The following KIAA0825 variants were observed in gnomAD, a reference collection of about 807,000 sequenced individuals.
The protein encoded by KIAA0825 is KIAA0825.
In KIAA0825, 119 loss-of-function variants were observed where a neutral mutation model predicts 147.6. That is an observed-to-expected ratio of 0.81 (90% confidence interval 0.69 to 0.94). The LOEUF is 0.94. Ranked by LOEUF, KIAA0825 falls within the 40% of genes least tolerant of loss-of-function variation. The probability of loss-of-function intolerance (pLI) is 0.00; values close to 1 mark genes in which losing one functional copy is unlikely to be tolerated. For synonymous variants in KIAA0825, 470 were observed against 518.1 expected, an observed-to-expected ratio of 0.91 and a Z score of 1.26; for missense variants, 1,381 against 1,472.7, an observed-to-expected ratio of 0.94 and a Z score of 1.02.
chr5:94,187,512 C>T (rs1305560223), intron 20 of KIAA0825, among the ~76,000 whole-genome samples: 4 of 150,440 alleles, frequency 2.7e-5, no homozygotes, highest in Non-Finnish European at 5.9e-5. Context: ...CTGCAAGCTC[C>T]GCCTCCCGGG....
At chr5:94,389,857 A>T (rs945945295) in intron 18 of KIAA0825, among the ~76,000 whole-genome samples, 1 of 152,136 alleles carries the variant, frequency 6.6e-6, no homozygotes, top group African/African-American at 2.4e-5. Flanking sequence ...CTCTAGCCTC[A>T]CCTAACATTA....
intron 12 of KIAA0825, among the ~76,000 whole-genome samples, chr5:94,455,743 T>A (rs557785589): frequency 1.3e-5 from 2 of 151,926 alleles, no homozygotes; most frequent in Admixed American, 1.3e-4. Flanking sequence ...AAATGAGAAG[T>A]TAAAGTGCAT....
chr5:94,399,187 T>C (rs374029212), intron 16 of KIAA0825, among the ~76,000 whole-genome samples: 1 of 152,260 alleles, frequency 6.6e-6, no homozygotes, highest in East Asian at 1.9e-4. Flanking sequence ...GCTTAACATA[T>C]AGATAAAGCA....
intron 20 of KIAA0825, among the ~76,000 whole-genome samples, chr5:94,351,335 C>G (rs377331386): frequency 2.6e-5 from 4 of 151,584 alleles, no homozygotes; most frequent in African/African-American, 9.7e-5. Context: ...GCTGAAAAAA[C>G]AACAACAACA....
intron 16 of KIAA0825, among the ~76,000 whole-genome samples, chr5:94,401,263 G>T (rs560270510): frequency 2.6e-5 from 4 of 151,312 alleles, no homozygotes; most frequent in East Asian, 1.9e-4. Flanking sequence ...TTTGCCAAAG[G>T]TGATAAAATC....
intron 13 of KIAA0825, among the ~76,000 whole-genome samples, chr5:94,451,861 A>G (rs1246663390): frequency 6.6e-6 from 1 of 152,240 alleles, no homozygotes; most frequent in East Asian, 1.9e-4. Context: ...AACTCATCAA[A>G]TGACACAGCT....
intron 18 of KIAA0825, among the ~76,000 whole-genome samples, chr5:94,386,863 C>T (rs548532479): frequency 2.2e-4 from 33 of 152,212 alleles, no homozygotes; most frequent in Admixed American, 2.0e-4. Flanking sequence ...CAAGCAGTCT[C>T]ATTCAATGCA....
At chr5:94,469,917 A>G in intron 10 of KIAA0825, 44 bp downstream of exon 10, 1 of 1,488,692 alleles carries the variant, frequency 6.7e-7, no homozygotes, top group Non-Finnish European at 9.0e-7. Flanking sequence ...ACGCAGTAAA[A>G]CATATTTGTG....
chr5:94,284,387 T>C (rs546276465), intron 20 of KIAA0825, among the ~76,000 whole-genome samples: 4 of 152,286 alleles, frequency 2.6e-5, no homozygotes, highest in African/African-American at 9.6e-5. Context: ...TACTTAATTA[T>C]ACCTTAAGAC....
chr5:94,175,056 T>G (rs967447729), intron 20 of KIAA0825, among the ~76,000 whole-genome samples: 4 of 152,170 alleles, frequency 2.6e-5, no homozygotes, highest in Non-Finnish European at 2.9e-5. Flanking sequence ...ATGAGGCATC[T>G]TCCAGCAGCA....
chr5:94,437,118 T>C (rs1253127625), intron 14 of KIAA0825, among the ~76,000 whole-genome samples: 4 of 152,208 alleles, frequency 2.6e-5, no homozygotes, highest in Admixed American at 2.6e-4. Flanking sequence ...TTTGCTAATA[T>C]TTCCTAATAT....
intron 1 of KIAA0825, 135 bp downstream of exon 1, chr5:94,618,365 C>G (rs1424786368): frequency 6.5e-6 from 1 of 152,752 alleles, no homozygotes; most frequent in African/African-American, 2.4e-5. Flanking sequence ...GGGTGTCAAG[C>G]GCCACGGGGT....
Position 94,462,474 on chromosome 5 carries a change from T to A in KIAA0825, c.2159A>T (p.Asp720Val). 6.5e-7 allele frequency: 1 copy of A among 1,539,486 alleles called. No individual in the cohort carries two copies. Residue 720 changes from aspartate (D) to valine (V), a missense_variant, in exon 12 of 21, where the codon GAT (aspartate) becomes GTT (valine). Physicochemically the swap from Asp to Val is radical, Grantham distance 152 (BLOSUM62 -3). Transcript: ENST00000682413. ...AGTGTGAATTTTAAAAATTTTATCATCTGTATGCTGATGAGGATTCAAAAG... is the reference window on the plus strand; with the variant it reads ...AGTGTGAATTTTAAAAATTTTATCAACTGTATGCTGATGAGGATTCAAAAG... Reference protein sequence around the residue: ...QKLLNPHQHTDDKIFKIHTHC... With the variant: ...QKLLNPHQHTVDKIFKIHTHC...
chr5:94,437,157 C>T lies in KIAA0825; in HGVS notation c.2497+2825G>A, dbSNP rs190025253. Among the ~76,000 whole-genome samples the T allele has an allele frequency of 4.0e-3, 603 of 152,086 alleles. 8 individuals are homozygous for T. Among genetic ancestry groups the T allele is most frequent in the Middle Eastern group, 0.02 (6 of 294 alleles). On this transcript the variant is annotated intron_variant, in intron 14 of 20. Transcript: ENST00000682413. ...CAAGCTTCTAAATTACAAAATGGTA[C>T]TCTGAAATATCATGAGACTTTAAAT...
Position 94,205,872 on chromosome 5 carries a change from T to C in KIAA0825, c.3711-51748A>G, listed in dbSNP as rs151082731. 3.9e-5 allele frequency among the ~76,000 whole-genome samples: 6 copies of C among 152,328 alleles called. No individual in the cohort carries two copies. In the East Asian group the frequency reaches 1.2e-3, roughly 29 times the overall value. On this transcript the variant is annotated intron_variant, in intron 20 of 20. Coordinates refer to ENST00000682413, the MANE Select transcript of KIAA0825 (RefSeq NM_001145678.3). ...TTATCCTTAGAGAACAAAGAAACTGTATTAGCATATGTTTTAGCATTATTT... is the reference window on the plus strand; with the variant it reads ...TTATCCTTAGAGAACAAAGAAACTGCATTAGCATATGTTTTAGCATTATTT...
chr5:94,238,536 AT>A (rs1395876452), intron 20 of KIAA0825, among the ~76,000 whole-genome samples: 1 of 152,146 alleles, frequency 6.6e-6, no homozygotes, highest in East Asian at 1.9e-4. Flanking sequence ...ATGTTCACTT[AT>A]GTTTTTCTAA....
At chr5:94,413,513 T>C (rs903836623) in intron 15 of KIAA0825, 2 of 152,192 alleles carry the variant, frequency 1.3e-5, no homozygotes, top group African/African-American at 4.8e-5. Flanking sequence ...AACATTAAGC[T>C]GAGCAAAAGA....
rs56256662 is a variant in KIAA0825, at chr5:94,564,537, A to AGTGTGT, written c.-2+17890_-2+17895dup. ...CATGAGCCACCATGCCTTATTTTTG[A>AGTGTGT]GTGTGTGTGTGTGTGTGTGTGTGTG... On this transcript the variant is annotated intron_variant, in intron 2 of 20. Transcript: ENST00000682413. Among the ~76,000 whole-genome samples the AGTGTGT allele has an allele frequency of 5.5e-4, 18 of 32,924 alleles. 1 individual carries two copies. The highest frequency in any genetic ancestry group is 1.2e-3 in the Admixed American group (4 of 3,304). 21.6% of individuals were successfully genotyped at this position (32,924 alleles called of 152,430 possible).
intron 20 of KIAA0825, among the ~76,000 whole-genome samples, chr5:94,263,355 C>T (rs779274628): frequency 2.2e-4 from 34 of 152,130 alleles, no homozygotes; most frequent in Admixed American, 4.6e-4. Flanking sequence ...ACCTAGGCCT[C>T]GTTATTTCCT....
Sources: allele counts gnomAD v4.1 joint callset (sites outside exome capture counted in the v4.1 genomes callset), GRCh38; gene constraint gnomAD v4.1.1; transcripts MANE v1.5; gene names NCBI Gene and HGNC (gene_info 2026-07-23, HGNC 2026-07-21).